The following SLCO1B1 variants were observed in gnomAD, a reference collection of about 807,000 sequenced individuals.
SLCO1B1 encodes OATP-2.
SLCO1B1 carries 81 observed loss-of-function variants against 70.1 expected under a neutral mutation model. The observed-to-expected ratio is 1.16, with a 90% CI of 0.97 to 1.39. The LOEUF (loss-of-function observed/expected upper bound fraction) is 1.39, where lower values mean the gene tolerates loss of function less well. Ranked by LOEUF, SLCO1B1 falls within the 40% of genes most tolerant of loss-of-function variation. The probability of loss-of-function intolerance (pLI) is 0.00; values close to 1 mark genes in which losing one functional copy is unlikely to be tolerated. For synonymous variants in SLCO1B1, 283 were observed against 271.5 expected (o/e 1.04, Z -0.42); for missense variants, 895 against 799.6 (o/e 1.12, Z -1.44).
intron 2 of SLCO1B1, chr12:21,164,907 G>T (rs1018634581): frequency 1.6e-5 from 7 of 442,182 alleles, no homozygotes; most frequent in African/African-American, 1.2e-4. Flanking sequence ...GTCATTATTG[G>T]TTTATTGCTG....
intron 1 of SLCO1B1, among the ~76,000 whole-genome samples, chr12:21,139,752 A>G (rs1940280843): frequency 6.6e-6 from 1 of 152,156 alleles, no homozygotes; most frequent in Non-Finnish European, 1.5e-5. Flanking sequence ...GTTCCCAACT[A>G]AGGTTGAACA....
intron 2 of SLCO1B1, among the ~76,000 whole-genome samples, chr12:21,163,718 G>C (rs1940650853): frequency 6.6e-6 from 1 of 152,060 alleles, no homozygotes; most frequent in Non-Finnish European, 1.5e-5. Flanking sequence ...CTTCTTAAAA[G>C]GGTACAAATC....
At chr12:21,234,607 T>C (rs1204775359) in intron 14 of SLCO1B1, among the ~76,000 whole-genome samples, 1 of 152,128 alleles carries the variant, frequency 6.6e-6, no homozygotes. Flanking sequence ...AGAAGCAAGA[T>C]GGAGTTGGTT....
At chr12:21,172,617 C>A (rs377564828) in intron 2 of SLCO1B1, 33 bp from the exon 3 acceptor site, 199 of 1,612,158 alleles carry the variant, frequency 1.2e-4, no homozygotes, top group Non-Finnish European at 1.6e-4. Flanking sequence ...CTTCGATTAA[C>A]CATTTTCCCC....
chr12:21,214,720 A>G (rs979541047), intron 11 of SLCO1B1, among the ~76,000 whole-genome samples: 9 of 151,932 alleles, frequency 5.9e-5, no homozygotes, highest in Admixed American at 2.6e-4. Context: ...GCGAGACTCC[A>G]TGGGCGTAGG....
In SLCO1B1 at chr12:21,178,635, C is replaced by T. The variant is rs138965366; in HGVS notation, c.541C>T (p.Arg181Cys). The T allele has an allele frequency of 2.7e-5, 44 of 1,607,374 alleles. No homozygotes were observed. The highest frequency in any genetic ancestry group is 3.4e-5 in the Non-Finnish European group (40 of 1,174,126). ...ATATGTGTTCATGGGTAATATGCTTCGTGGAATAGGGGAGACTCCCATAGT... is the reference window on the plus strand; with the variant it reads ...ATATGTGTTCATGGGTAATATGCTTTGTGGAATAGGGGAGACTCCCATAGT... The part of the protein sequence containing the change: ...WIYVFMGNML[R>C]GIGETPIVPL... Residue 181 changes from arginine (R) to cysteine (C), a missense_variant, in exon 6 of 15, where the codon CGT becomes TGT. Arg to Cys is a radical substitution (Grantham distance 180). Coordinates refer to ENST00000256958, the MANE Select transcript of SLCO1B1 (RefSeq NM_006446.5).
intron 1 of SLCO1B1, among the ~76,000 whole-genome samples, chr12:21,132,284 C>T (rs796419190): frequency 9.2e-5 from 14 of 152,156 alleles, no homozygotes; most frequent in Admixed American, 4.6e-4. Context: ...TGAATAGTGC[C>T]GCTATAAACA....
chr12:21,200,533 C>A lies in SLCO1B1; in HGVS notation c.996C>A (p.Ile332=), dbSNP rs769736039. The A allele has an allele frequency of 5.1e-6, 8 of 1,579,930 alleles. No homozygotes were observed. The highest frequency in any genetic ancestry group is 5.2e-6 in the Non-Finnish European group (6 of 1,161,418). Residue 332 remains isoleucine (I), a synonymous_variant, in exon 9 of 15, where the codon ATC becomes ATA. Coordinates refer to ENST00000256958, the MANE Select transcript of SLCO1B1 (RefSeq NM_006446.5). ...VTGFFQSFKS[I]LTNPLYVMFV... is the part of the protein sequence containing the mutation. ...GTTTTTTCCAGTCTTTTAAAAGCAT[C>A]CTTACTAATCCCCTGTATGTTATGT...
chr12:21,173,811 C>T (rs1175601105), intron 3 of SLCO1B1, among the ~76,000 whole-genome samples: 12 of 133,652 alleles, frequency 9.0e-5, no homozygotes, highest in Admixed American at 8.9e-4. Flanking sequence ...CTCGCTCTGT[C>T]GCCCAGGCTG....
intron 2 of SLCO1B1, 66 bp from the exon 3 acceptor site, chr12:21,172,583 TG>T: frequency 6.8e-7 from 1 of 1,473,730 alleles, no homozygotes; most frequent in Non-Finnish European, 9.5e-7. Flanking sequence ...TATAATTCCA[TG>T]TGCCTATTGA....
At chr12:21,161,864 C>CAT (rs1940623797) in intron 2 of SLCO1B1, among the ~76,000 whole-genome samples, 2 of 151,832 alleles carry the variant, frequency 1.3e-5, no homozygotes, top group Non-Finnish European at 2.9e-5. Flanking sequence ...AAAAATTAGC[C>CAT]AGGTGTGATG....
chr12:21,201,527 G>A (rs770255858), intron 9 of SLCO1B1, among the ~76,000 whole-genome samples: 17 of 152,070 alleles, frequency 1.1e-4, no homozygotes, highest in South Asian at 2.1e-4. Context: ...TATGTAGAGC[G>A]ATTTGTCAGT....
intron 2 of SLCO1B1, among the ~76,000 whole-genome samples, chr12:21,166,925 C>T (rs143234824): frequency 1.3e-5 from 2 of 151,956 alleles, no homozygotes; most frequent in African/African-American, 2.4e-5. Context: ...GTAAAGCGAC[C>T]TTGGTACATT....
intron 7 of SLCO1B1, 97 bp downstream of exon 7, chr12:21,179,117 C>A (rs1591810719): frequency 1.3e-6 from 1 of 775,472 alleles, no homozygotes; most frequent in South Asian, 1.4e-5. Flanking sequence ...TTTCAATAGT[C>A]CTTTGCTTAA....
chr12:21,149,724 C>T lies in SLCO1B1; in HGVS notation c.84+8066C>T, dbSNP rs574313291. Among the ~76,000 whole-genome samples the T allele has an allele frequency of 2.2e-4, 33 of 152,274 alleles. No individual in the cohort carries two copies. In the South Asian group the frequency reaches 2.3e-3, roughly 11 times the overall value. ...CCACTGGCAGACCAGGAGATTCCCT[C>T]GGGTGCCTACACCACCAGGGCCCTG... On this transcript the variant is annotated intron_variant, in intron 2 of 14. Coordinates refer to ENST00000256958, the MANE Select transcript of SLCO1B1 (RefSeq NM_006446.5).
At chr12:21,209,751 C>T (rs1396533678) in intron 11 of SLCO1B1, among the ~76,000 whole-genome samples, 4 of 151,054 alleles carry the variant, frequency 2.6e-5, no homozygotes, top group Admixed American at 6.6e-5. Flanking sequence ...GATTGCCATT[C>T]TAACTGGTGT....
At chr12:21,134,724 T>G (rs1432806163) in intron 1 of SLCO1B1, among the ~76,000 whole-genome samples, 1 of 152,214 alleles carries the variant, frequency 6.6e-6, no homozygotes, top group Non-Finnish European at 1.5e-5. Context: ...TCTTCTCTGT[T>G]TTCTTCTTTA....
chr12:21,170,111 G>T (rs1940739528), intron 2 of SLCO1B1, among the ~76,000 whole-genome samples: 1 of 152,118 alleles, frequency 6.6e-6, no homozygotes, highest in Non-Finnish European at 1.5e-5. Flanking sequence ...GCAGTTTTTG[G>T]TGTACCTTTG....
intron 2 of SLCO1B1, among the ~76,000 whole-genome samples, chr12:21,143,085 G>A (rs759895788): frequency 1.8e-4 from 28 of 151,914 alleles, no homozygotes; most frequent in Non-Finnish European, 3.4e-4. Flanking sequence ...TTGATATGTT[G>A]TTGATAAAGA....
Sources: allele counts gnomAD v4.1 joint callset (sites outside exome capture counted in the v4.1 genomes callset), GRCh38; gene constraint gnomAD v4.1.1; transcripts MANE v1.5; gene names NCBI Gene and HGNC (gene_info 2026-07-23, HGNC 2026-07-21).